Variants in CD101 observed in about 807,000 individuals in gnomAD.
CD101 encodes CD101 molecule.
CD101 carries 76 observed loss-of-function variants against 98.2 expected under a neutral mutation model. The observed-to-expected ratio is 0.77, with a 90% confidence interval of 0.64 to 0.94. The LOEUF (loss-of-function observed/expected upper bound fraction) is 0.94, where lower values mean the gene tolerates loss of function less well. Among genes scored for constraint, CD101 ranks in the 40% least tolerant of loss-of-function variants. The pLI, the probability that CD101 is intolerant of heterozygous loss-of-function variation, is 0.00. For synonymous variants in CD101, 471 were observed against 472.7 expected, an observed-to-expected ratio of 1.00 and a Z score of 0.05; for missense variants, 1,145 against 1,218.8, an observed-to-expected ratio of 0.94 and a Z score of 0.90.
chr1:117,035,262 C>G (rs371245778), intron 9 of CD101, among the ~76,000 whole-genome samples: 15 of 152,168 alleles, frequency 9.9e-5, no homozygotes, highest in African/African-American at 3.4e-4. Flanking sequence ...ATGTGACCAA[C>G]CGAGTTGCTT....
intron 4 of CD101, among the ~76,000 whole-genome samples, chr1:117,014,984 A>G (rs148246527): frequency 2.6e-3 from 396 of 152,364 alleles, no homozygotes; most frequent in African/African-American, 8.4e-3. Flanking sequence ...CTTCTCTGGA[A>G]CATATCTGCA....
chr1:117,006,594 A>G lies in CD101; in HGVS notation c.44-3256A>G, dbSNP rs1477522592. Among the ~76,000 whole-genome samples, 2 of 151,986 alleles carry G rather than the reference A, an allele frequency of 1.3e-5. No individual in the cohort carries two copies. The highest frequency in any genetic ancestry group is 1.3e-4 in the Admixed American group (2 of 15,246). ...TTTGATTCCTACTCAGAGTCTTGCCATGAAATCTCCTTCACCTAAAATGCT... is the reference window on the plus strand; with the variant it reads ...TTTGATTCCTACTCAGAGTCTTGCCGTGAAATCTCCTTCACCTAAAATGCT... On this transcript the variant is annotated intron_variant, in intron 1 of 9. Coordinates refer to ENST00000682167, the MANE Select transcript of CD101 (RefSeq NM_001256106.3). This position sits in a 1 kb window ranked among gnomAD's most constrained non-coding sequence, Gnocchi z 4.4.
Position 117,029,208 on chromosome 1 carries a change from GA to G in CD101, c.2824+3307del, listed in dbSNP as rs1557778927. ...GAAAGAAAGAAAGAAAGAAAGAAAA[GA>G]AAGAAAAGAAAGAAAGAAAGAAAGA... On this transcript the variant is annotated intron_variant, in intron 8 of 9. Transcript: ENST00000682167. Among the ~76,000 whole-genome samples, 378 of 46,278 alleles carry G rather than the reference GA, an allele frequency of 8.2e-3. 25 individuals carry two copies. The highest frequency in any genetic ancestry group is 0.013 in the African/African-American group (139 of 10,402). 30.4% of individuals were successfully genotyped at this position (46,278 alleles called of 152,430 possible). A position where few individuals can be genotyped will look rare whatever the true frequency, so the allele number is the denominator to read the frequency against.
rs975994971 is a variant in CD101 at position 117,010,009 on chromosome 1, A to G, written c.203A>G (p.Gln68Arg). 4.3e-6 allele frequency: 7 copies of G among 1,614,238 alleles called. No individual in the cohort carries two copies. The highest frequency in any genetic ancestry group is 5.9e-6 in the Non-Finnish European group (7 of 1,180,036). Residue 68 changes from glutamine to arginine, a missense_variant, in exon 2 of 10, where the codon CAG becomes CGG. Coordinates refer to ENST00000682167, the MANE Select transcript of CD101 (RefSeq NM_001256106.3). The surrounding 1 kb of genome is among the most constrained non-coding windows in gnomAD (Gnocchi z 5.2). Reference sequence around the variant, plus strand: ...GTTTACCTGCCGACAAACCCGACCCAGGAAGTCCAGATCATTAGCACCAAG... The same window carrying G: ...GTTTACCTGCCGACAAACCCGACCCGGGAAGTCCAGATCATTAGCACCAAG... ...WSVYLPTNPT[Q>R]EVQIISTKDA...
chr1:117,021,859 G>A lies in CD101; in HGVS notation c.2304G>A (p.Val768=), dbSNP rs763767965. The A allele has an allele frequency of 2.5e-6, 4 of 1,614,198 alleles. No homozygotes were observed. The highest frequency in any genetic ancestry group is 1.7e-5 in the Admixed American group (1 of 60,024). ...TATTTCAGCTGCACATTCTGAATGT[G>A]GAAGACAGCGATCGGGGCAAATATC... The part of the protein sequence containing the change: ...QDLFQLHILN[V]EDSDRGKYHC... Residue 768 remains valine, a synonymous_variant, in exon 7 of 10, where the codon GTG becomes GTA. Coordinates refer to ENST00000682167, the MANE Select transcript of CD101 (RefSeq NM_001256106.3). This position sits in a 1 kb window ranked among gnomAD's most constrained non-coding sequence, Gnocchi z 4.7.
rs937374916 is a variant in CD101, at chr1:117,011,813, A to G, written c.688A>G (p.Thr230Ala). 1.2e-6 allele frequency: 2 copies of G among 1,614,060 alleles called. No individual in the cohort carries two copies. Among genetic ancestry groups the G allele is most frequent in the Non-Finnish European group, 1.7e-6 (2 of 1,180,030 alleles). ...CGTACAGCTCAACAAACTGGGACCC[A>G]CTACATTCAGGCTGTCCATAGAGAG... ...SDVQLNKLGP[T>A]TFRLSIERLQ... Residue 230 changes from threonine to alanine, a missense_variant, in exon 3 of 10, where the codon ACT (threonine) becomes GCT (alanine). By Grantham distance (58) the Thr-to-Ala change is moderately conservative (BLOSUM62 0). Transcript: ENST00000682167.
rs1653458287 is a variant in CD101 at position 117,019,804 on chromosome 1, A to C, written c.2017+1244A>C. Reference sequence around the variant, plus strand: ...TATCATCCAAAGCTCTTTCTTCTGCATTGCCCCTTATGTCCCCACTCCTCA... The same window carrying C: ...TATCATCCAAAGCTCTTTCTTCTGCCTTGCCCCTTATGTCCCCACTCCTCA... On this transcript the variant is annotated intron_variant, in intron 6 of 9. Transcript: ENST00000682167. The surrounding 1 kb of genome is among the most constrained non-coding windows in gnomAD (Gnocchi z 4.3). 1.3e-5 allele frequency among the ~76,000 whole-genome samples: 2 copies of C among 152,176 alleles called. No individual in the cohort carries two copies. Among genetic ancestry groups the C allele is most frequent in the South Asian group, 4.1e-4 (2 of 4,828 alleles).
intron 1 of CD101, among the ~76,000 whole-genome samples, chr1:117,009,329 C>T (rs1239130820): frequency 6.6e-6 from 1 of 152,216 alleles, no homozygotes; most frequent in African/African-American, 2.4e-5. Context: ...CTAATGTTGG[C>T]TAGTCTTGCA....
In CD101 at chr1:117,019,078, T is replaced by A. The variant is rs140749844; in HGVS notation, c.2017+518T>A. On this transcript the variant is annotated intron_variant, in intron 6 of 9. Transcript: ENST00000682167. This position sits in a 1 kb window ranked among gnomAD's most constrained non-coding sequence, Gnocchi z 4.3. ...AAATATAATCCATCTCATCAACTGA[T>A]AATAGAGCATAGGAGTTAAAAGTGA... is the stretch of plus-strand genomic sequence containing the variant. Among the ~76,000 whole-genome samples the A allele has an allele frequency of 6.6e-6, 1 of 152,336 alleles. No homozygotes were observed. Among genetic ancestry groups the A allele is most frequent in the African/African-American group, 2.4e-5 (1 of 41,580 alleles).
At position 117,010,061 on chromosome 1, in the gene CD101, T is replaced by C. The variant is rs761584439; in HGVS notation, c.255T>C (p.Tyr85=). The C allele has an allele frequency of 6.2e-7, 1 of 1,614,212 alleles. No homozygotes were observed. Among genetic ancestry groups the C allele is most frequent in the Non-Finnish European group, 8.5e-7 (1 of 1,180,030 alleles). ...ATGCTGCCTTCTCTTACGCAGTATA[T>C]ACGCAGCGGGTGCGAAGCGGAGACG... ...TKDAAFSYAV[Y]TQRVRSGDVY... The change falls in exon 2 of 10, where the codon TAT becomes TAC. Residue 85 remains tyrosine (Y), a synonymous_variant. Transcript: ENST00000682167. This position sits in a 1 kb window ranked among gnomAD's most constrained non-coding sequence, Gnocchi z 5.2.
At chr1:117,014,267 C>T (rs1251573726) in intron 4 of CD101, among the ~76,000 whole-genome samples, 3 of 149,852 alleles carry the variant, frequency 2.0e-5, no homozygotes, top group Non-Finnish European at 4.4e-5. Flanking sequence ...ACACTTTGTC[C>T]TCCTTCCTGA....
chr1:117,030,365 A>G (rs1047084633), intron 8 of CD101, among the ~76,000 whole-genome samples: 16 of 151,318 alleles, frequency 1.1e-4, no homozygotes, highest in African/African-American at 3.2e-4. Context: ...TGGATGACAG[A>G]GCAAGACACT....
In CD101 at chr1:117,018,242, G is replaced by A. The variant is rs773749095; in HGVS notation, c.1699G>A (p.Gly567Ser). Residue 567 changes from glycine to serine, a missense_variant, in exon 6 of 10, where the codon GGT becomes AGT. Gly to Ser is a moderately conservative substitution (Grantham distance 56, BLOSUM62 0). Transcript: ENST00000682167. The surrounding 1 kb of genome is among the most constrained non-coding windows in gnomAD (Gnocchi z 4.3). ...TGACCTGTCCTGTGTCGTGAGGGCC[G>A]GTTACTCTGACCTCAAGGTGCCACT... ...TFDLSCVVRA[G>S]YSDLKVPLTV... 28 of 1,614,026 alleles carry A rather than the reference G, an allele frequency of 1.7e-5. No homozygotes were observed. The highest frequency in any genetic ancestry group is 6.6e-5 in the South Asian group (6 of 91,090).
intron 1 of CD101, among the ~76,000 whole-genome samples, chr1:117,002,944 T>TA (rs1273539105): frequency 6.6e-6 from 1 of 152,192 alleles, no homozygotes; most frequent in Non-Finnish European, 1.5e-5. Flanking sequence ...CACCCTAGTT[T>TA]ATGGACCCTT....
intron 5 of CD101, 43 bp downstream of exon 5, chr1:117,017,516 C>G (rs907799674): frequency 3.2e-6 from 5 of 1,556,406 alleles, no homozygotes; most frequent in Non-Finnish European, 4.4e-6. Context: ...GTATATCACT[C>G]AATTCATTCT....
chr1:117,010,411 ATC>A lies in CD101; in HGVS notation c.424+183_424+184del, dbSNP rs904044234. On this transcript the variant is annotated intron_variant, in intron 2 of 9. Transcript: ENST00000682167. This position sits in a 1 kb window ranked among gnomAD's most constrained non-coding sequence, Gnocchi z 5.2. The stretch of plus-strand genomic sequence containing the variant: ...TGGGTATCTCATATTCTCTAAAATT[ATC>A]TGTTTCTTTTTCTCAATTATCTTTG... Among the ~76,000 whole-genome samples the A allele has an allele frequency of 6.6e-6, 1 of 152,262 alleles. No individual in the cohort carries two copies. Among genetic ancestry groups the A allele is most frequent in the African/African-American group, 2.4e-5 (1 of 41,558 alleles).
At chr1:117,030,120 T>C (rs1654353304) in intron 8 of CD101, among the ~76,000 whole-genome samples, 1 of 152,172 alleles carries the variant, frequency 6.6e-6, no homozygotes, top group South Asian at 2.1e-4. Context: ...AATTAGATCC[T>C]TGGGCCAGAT....
At chr1:117,016,297 A>G (rs1042396151) in intron 4 of CD101, among the ~76,000 whole-genome samples, 2 of 151,460 alleles carry the variant, frequency 1.3e-5, no homozygotes, top group African/African-American at 2.4e-5. Context: ...CAGAGATATA[A>G]TTAACAATGA....
rs3767785 is a variant in CD101, at chr1:117,022,268, C to T, written c.2428+285C>T. Among the ~76,000 whole-genome samples the T allele has an allele frequency of 0.26, 39,867 of 151,846 alleles. 6,533 individuals are homozygous for T. The highest frequency in any genetic ancestry group is 0.6 in the East Asian group (3,112 of 5,144). On this transcript the variant is annotated intron_variant, in intron 7 of 9. Transcript: ENST00000682167. This position sits in a 1 kb window ranked among gnomAD's most constrained non-coding sequence, Gnocchi z 4.8. ...TGGTCTGTGCAGCTACCCAGGGTAT[C>T]GTATCTCCAGATCTCTATCATAACA...
Sources: allele counts gnomAD v4.1 joint callset (sites outside exome capture counted in the v4.1 genomes callset), GRCh38; gene constraint gnomAD v4.1.1; non-coding constraint Gnocchi (gnomAD v3.1); transcripts MANE v1.5; gene names NCBI Gene and HGNC (gene_info 2026-07-23, HGNC 2026-07-21).